The following BRCA1 variants were observed in gnomAD, a reference collection of about 807,000 sequenced individuals.
BRCA1 encodes BRCA1 DNA repair associated.
BRCA1 carries 140 observed loss-of-function variants against 173.7 expected under a neutral mutation model. That is an observed-to-expected ratio of 0.81 (90% confidence interval 0.70 to 0.93). The LOEUF (loss-of-function observed/expected upper bound fraction) is 0.93. BRCA1 is among the 40% of genes least tolerant of loss of function. The probability of loss-of-function intolerance (pLI) is 0.00; values close to 1 mark genes in which losing one functional copy is unlikely to be tolerated. For missense variants in BRCA1, 1,983 were observed against 2,172.5 expected, an observed-to-expected ratio of 0.91 and a Z score of 1.73; for synonymous variants, 662 against 756.0, an observed-to-expected ratio of 0.88 and a Z score of 2.04.
In BRCA1 at chr17:43,138,336, G is replaced by A. The variant is rs924717414; in HGVS notation, c.-19-14221C>T. 3.3e-5 allele frequency: 14 copies of A among 420,810 alleles called. No individual in the cohort carries two copies. The Admixed American group carries it at 4.7e-4, about 14-fold the overall frequency. The allele number at this position is 420,810 out of a possible 1,614,324, so 26.1% of individuals were successfully genotyped here. On this transcript the variant is annotated intron_variant, in intron 1 of 7. Transcript: ENST00000634433. ...CGGACCGCTCAGCTTTCATTCCAGT[G>A]AAAACATTCCAGAACAAACTCCAGG...
chr17:43,093,267 T>G lies in BRCA1; in HGVS notation c.2264A>C (p.Glu755Ala), dbSNP rs922908090. Residue 755 changes from glutamate (E) to alanine (A), a missense_variant, in exon 10 of 23, where the codon GAA becomes GCA. Physicochemically the swap from Glu to Ala is moderately radical, Grantham distance 107 (BLOSUM62 -1). Coordinates refer to ENST00000357654, the MANE Select transcript of BRCA1 (RefSeq NM_007294.4). ...EDPKDLMLSG[E>A]RVLQTERSVE... ...AGATCTTTCAGTTTGCAAAACCCTTTCTCCACTTAACATGAGATCTTTGGG... is the reference window on the plus strand; with the variant it reads ...AGATCTTTCAGTTTGCAAAACCCTTGCTCCACTTAACATGAGATCTTTGGG... 6.2e-7 allele frequency: 1 copy of G among 1,614,086 alleles called. No homozygotes were observed. The highest frequency in any genetic ancestry group is 1.7e-5 in the Admixed American group (1 of 60,008).
At chr17:43,169,153 C>T (rs1435115211) in intron 1 of BRCA1, among the ~76,000 whole-genome samples, 1 of 152,076 alleles carries the variant, frequency 6.6e-6, no homozygotes. Context: ...AAGGGCCCAT[C>T]TTCTCATATA....
upstream of BRCA1, among the ~76,000 whole-genome samples, chr17:43,128,190 C>T (rs1473526113): frequency 1.0e-4 from 13 of 124,180 alleles, no homozygotes; most frequent in Middle Eastern, 4.3e-3. Flanking sequence ...CTGGTAACAC[C>T]GACCGCAGAG....
At chr17:43,064,640 A>G (rs2051974160) in intron 16 of BRCA1, among the ~76,000 whole-genome samples, 1 of 151,792 alleles carries the variant, frequency 6.6e-6, no homozygotes, top group Non-Finnish European at 1.5e-5. Context: ...GCTATCTGCA[A>G]GCAGCAGCAG....
rs1452826319 is a variant in BRCA1, at chr17:43,093,489, C to T, written c.2042G>A (p.Ser681Asn). The change falls in exon 10 of 23, where the codon AGT (serine) becomes AAT (asparagine). Residue 681 changes from serine (S) to asparagine (N), a missense_variant. Transcript: ENST00000357654. The stretch of plus-strand genomic sequence containing the variant: ...ACTTGTCTGTTCATTTGGCTTGTTA[C>T]TCTTCTTGGCTCCAGTTGCAGGTTC... Reference protein sequence around the residue: ...GKEPATGAKKSNKPNEQTSKR... With the variant: ...GKEPATGAKKNNKPNEQTSKR... 1.9e-6 allele frequency: 3 copies of T among 1,614,092 alleles called. No homozygotes were observed. The highest frequency in any genetic ancestry group is 1.3e-5 in the African/African-American group (1 of 75,050).
intron 1 of BRCA1, chr17:43,138,923 G>A (rs770349392): frequency 4.9e-5 from 38 of 778,718 alleles, no homozygotes; most frequent in South Asian, 4.8e-4. Flanking sequence ...ATCAGCTGTG[G>A]TAAAGTAGCC....
At chr17:43,158,490 C>T (rs1463731118) in intron 1 of BRCA1, among the ~76,000 whole-genome samples, 1 of 152,002 alleles carries the variant, frequency 6.6e-6, no homozygotes, top group African/African-American at 2.4e-5. Context: ...GACATGACTC[C>T]AAATATGAAA....
chr17:43,087,341 G>A (rs1426050406), intron 11 of BRCA1, among the ~76,000 whole-genome samples: 3 of 152,104 alleles, frequency 2.0e-5, no homozygotes, highest in Non-Finnish European at 2.9e-5. Context: ...ATCCCATATA[G>A]TAATTAAAAA....
chr17:43,100,680 T>TATATATATATATATA (rs2054419848), intron 6 of BRCA1, among the ~76,000 whole-genome samples: 11 of 11,068 alleles, frequency 9.9e-4, no homozygotes, highest in South Asian at 3.2e-3. Flanking sequence ...ATATATATAA[T>TATATATATATATATA]ATATATATAT....
rs62625305 is a variant in BRCA1 at position 43,093,620 on chromosome 17, A to G, written c.1911T>C (p.Thr637=). The G allele has an allele frequency of 1.2e-4, 187 of 1,613,924 alleles. No individual in the cohort carries two copies. The highest frequency in any genetic ancestry group is 3.3e-4 in the Middle Eastern group (2 of 6,084). ...TAGAACAACTATCAATTTGCAATTC[A>G]GTACAATTAGGTGGGCTTAGATTTC... is the stretch of plus-strand genomic sequence containing the variant. ...VSRNLSPPNC[T]ELQIDSCSSS... is the part of the protein sequence containing the mutation. Residue 637 remains threonine, a synonymous_variant, in exon 10 of 23, where the codon ACT becomes ACC. Coordinates refer to ENST00000357654, the MANE Select transcript of BRCA1 (RefSeq NM_007294.4).
chr17:43,079,290 T>C (rs755174729), intron 12 of BRCA1: 1 of 1,484,590 alleles, frequency 6.7e-7, no homozygotes, highest in South Asian at 1.1e-5. Context: ...CATCTTTCAG[T>C]AATTTGCCAA....
Position 43,074,442 on chromosome 17 carries a change from A to G in BRCA1, c.4564T>C (p.Tyr1522His), listed in dbSNP as rs1567778091. The change falls in exon 14 of 23, where the codon TAC (tyrosine) becomes CAC (histidine). Residue 1522 changes from tyrosine (Y) to histidine (H), a missense_variant. Transcript: ENST00000357654. ...TTAATGAGCTCCTCTTGAGATGGGT[A>G]GTTTCTATTCTGAAGACTCCCAGAG... is the stretch of plus-strand genomic sequence containing the variant. ...SCSGSLQNRN[Y>H]PSQEELIKVV... 2.5e-6 allele frequency: 4 copies of G among 1,614,098 alleles called. No homozygotes were observed. Among genetic ancestry groups the G allele is most frequent in the Non-Finnish European group, 3.4e-6 (4 of 1,179,940 alleles).
At chr17:43,068,565 A>G (rs1027468721) in intron 15 of BRCA1, among the ~76,000 whole-genome samples, 2 of 151,740 alleles carry the variant, frequency 1.3e-5, no homozygotes, top group African/African-American at 4.8e-5. Flanking sequence ...AAAAAAAAAA[A>G]AAGTAAAAAG....
intron 4 of BRCA1, 84 bp downstream of exon 4, chr17:43,106,372 T>C (rs2054761768): frequency 2.3e-6 from 2 of 878,208 alleles, no homozygotes; most frequent in South Asian, 3.1e-5. Flanking sequence ...TGAATGGTTT[T>C]ATAGGAACGC....
chr17:43,066,469 G>A (rs771194201), intron 16 of BRCA1, among the ~76,000 whole-genome samples: 3 of 152,114 alleles, frequency 2.0e-5, no homozygotes, highest in Non-Finnish European at 2.9e-5. Flanking sequence ...GGAGTGCAGT[G>A]GCAGGATCTC....
rs80357815 is a variant in BRCA1 at position 43,092,234 on chromosome 17, AG to A, written c.3296del (p.Pro1099LeufsTer10). 6.2e-7 allele frequency: 1 copy of A among 1,613,606 alleles called. No homozygotes were observed. The highest frequency in any genetic ancestry group is 8.5e-7 in the Non-Finnish European group (1 of 1,179,946). On this transcript the variant is annotated frameshift_variant, in exon 10 of 23. Transcript: ENST00000357654. LOFTEE classifies it high-confidence loss of function. ...TTTCAGGATGCTTACAATTACTTCCAGGAAGACTTTGTTTATAGACCTCAGG... is the reference window on the plus strand; with the variant it reads ...TTTCAGGATGCTTACAATTACTTCCAGAAGACTTTGTTTATAGACCTCAGG... ...LQPEVYKQSL[P>X]GSNCKHPEIK...
At chr17:43,152,077 A>G in intron 1 of BRCA1, among the ~76,000 whole-genome samples, 1 of 152,214 alleles carries the variant, frequency 6.6e-6, no homozygotes, top group Non-Finnish European at 1.5e-5. Context: ...AACTTTCCCA[A>G]GGCCACATAG....
chr17:43,148,880 A>C (rs924361314), intron 1 of BRCA1: 4 of 167,524 alleles, frequency 2.4e-5, no homozygotes, highest in African/African-American at 9.7e-5. Context: ...AGTCTCATCT[A>C]CCTAATGAGA....
intron 1 of BRCA1, among the ~76,000 whole-genome samples, chr17:43,156,766 A>G (rs1251737834): frequency 6.6e-6 from 1 of 152,168 alleles, no homozygotes; most frequent in Non-Finnish European, 1.5e-5. Flanking sequence ...ATATTTCAGT[A>G]TGGTAATTAT....
Sources: allele counts gnomAD v4.1 joint callset (sites outside exome capture counted in the v4.1 genomes callset), GRCh38; gene constraint gnomAD v4.1.1; transcripts MANE v1.5; gene names NCBI Gene and HGNC (gene_info 2026-07-23, HGNC 2026-07-21).